ELAVL3: variants seen among roughly 807,000 people sequenced by gnomAD.
ELAVL3 encodes the protein ELAV-like protein 3.
In ELAVL3, 8 loss-of-function variants were observed where a neutral mutation model predicts 34.2. The observed-to-expected ratio is 0.23, with a 90% CI of 0.14 to 0.42. The LOEUF (loss-of-function observed/expected upper bound fraction) is 0.42. Ranked by LOEUF, ELAVL3 falls within the 10% of genes least tolerant of loss-of-function variation. ELAVL3 has a pLI of 1.00. For missense variants in ELAVL3, 273 were observed against 518.8 expected, an observed-to-expected ratio of 0.53 and a Z score of 4.60; for synonymous variants, 209 against 222.1, an observed-to-expected ratio of 0.94 and a Z score of 0.53.
In ELAVL3 at chr19:11,466,050, C is replaced by T; in HGVS notation, c.333+122G>A. ...TCTTGGAGGGGAGATTTGAGCCCCT[C>T]TGGGGATGAGTCCTGAAAGGCAGTG... On this transcript the variant is annotated intron_variant, in intron 3 of 6. Coordinates refer to ENST00000359227, the MANE Select transcript of ELAVL3 (RefSeq NM_001420.4). The surrounding 1 kb of genome is among the most constrained non-coding windows in gnomAD (Gnocchi z 5.0). The T allele has an allele frequency of 1.1e-6, 1 of 887,186 alleles. No homozygotes were observed. The highest frequency in any genetic ancestry group is 1.6e-5 in the South Asian group (1 of 64,378). The allele number at this position is 887,186 out of a possible 1,614,324, so 55.0% of individuals were successfully genotyped here. A position where few individuals can be genotyped will look rare whatever the true frequency, so the allele number is the denominator to read the frequency against.
intron 3 of ELAVL3, among the ~76,000 whole-genome samples, chr19:11,460,985 C>A (rs923872438): frequency 6.9e-6 from 1 of 145,968 alleles, no homozygotes; most frequent in Non-Finnish European, 1.5e-5. Context: ...GACTCACCCC[C>A]GTCCTCCACC....
At chr19:11,461,409 G>A (rs573489107) in intron 3 of ELAVL3, among the ~76,000 whole-genome samples, 2 of 152,168 alleles carry the variant, frequency 1.3e-5, no homozygotes, top group South Asian at 2.1e-4. Flanking sequence ...AGGCTGGGGC[G>A]TGGTCATCAG....
At chr19:11,460,404 C>T (rs1474865696) in intron 3 of ELAVL3, among the ~76,000 whole-genome samples, 2 of 151,402 alleles carry the variant, frequency 1.3e-5, no homozygotes, top group Non-Finnish European at 2.9e-5. Flanking sequence ...ACACCTGAGC[C>T]AGGTCGCATC....
In ELAVL3 at chr19:11,454,464, TC is replaced by T; in HGVS notation, c.*61del. 64 of 1,380,848 alleles carry T rather than the reference TC, an allele frequency of 4.6e-5. No individual in the cohort carries two copies. In the South Asian group the frequency reaches 8.5e-4, roughly 18 times the overall value. The allele number at this position is 1,380,848 out of a possible 1,614,324, so 85.5% of individuals were successfully genotyped here. A position where few individuals can be genotyped will look rare whatever the true frequency, so the allele number is the denominator to read the frequency against. On this transcript the variant is annotated 3_prime_UTR_variant, in exon 7 of 7. Transcript: ENST00000359227. The surrounding 1 kb of genome is among the most constrained non-coding windows in gnomAD (Gnocchi z 9.2). ...CTTGGGCCCCTTCTCTCTCTCTCTC[TC>T]TCTTTCTCTCTCTCTCTCTCTGCTG...
Position 11,458,069 on chromosome 19 carries a change from C to T in ELAVL3, c.705G>A (p.Gln235=), listed in dbSNP as rs956182047. ...GCTGGCAGGGGGCTCACCGGAAACGCTGGGTCTGATGGTGTAGGGGGCCTG... is the reference window on the plus strand; with the variant it reads ...GCTGGCAGGGGGCTCACCGGAAACGTTGGGTCTGATGGTGTAGGGGGCCTG... ...RYAGPLHHQT[Q]RFRLDNLLNM... Residue 235 remains glutamine, a synonymous_variant, in exon 5 of 7, where the codon CAG becomes CAA. Transcript: ENST00000359227. The surrounding 1 kb of genome is among the most constrained non-coding windows in gnomAD (Gnocchi z 7.3). 1 of 1,612,542 alleles carries T rather than the reference C, an allele frequency of 6.2e-7. No individual in the cohort carries two copies. Among genetic ancestry groups the T allele is most frequent in the Non-Finnish European group, 8.5e-7 (1 of 1,179,994 alleles).
At position 11,480,526 on chromosome 19, in the gene ELAVL3, C is replaced by G. The variant is rs1042484574; in HGVS notation, c.9+74G>C. The G allele has an allele frequency of 5.7e-5, 84 of 1,468,006 alleles. No individual in the cohort carries two copies. The highest frequency in any genetic ancestry group is 7.2e-5 in the Non-Finnish European group (80 of 1,109,406). 90.9% of individuals were successfully genotyped at this position (1,468,006 alleles called of 1,614,324 possible). A position where few individuals can be genotyped will look rare whatever the true frequency, so the allele number is the denominator to read the frequency against. On this transcript the variant is annotated intron_variant, in intron 1 of 6. Coordinates refer to ENST00000359227, the MANE Select transcript of ELAVL3 (RefSeq NM_001420.4). The surrounding 1 kb of genome is among the most constrained non-coding windows in gnomAD (Gnocchi z 6.8). Reference sequence around the variant, plus strand: ...CTGGTCCTACCCCCCCCGCCGCACCCGCCCAATCTCCGCGGAGCCTGGGCC... The same window carrying G: ...CTGGTCCTACCCCCCCCGCCGCACCGGCCCAATCTCCGCGGAGCCTGGGCC...
chr19:11,453,614 C>G lies in ELAVL3; in HGVS notation c.*912G>C, dbSNP rs574811401. 4.6e-5 allele frequency: 7 copies of G among 153,014 alleles called. No homozygotes were observed. Among genetic ancestry groups the G allele is most frequent in the Non-Finnish European group, 8.8e-5 (6 of 68,100 alleles). The allele number at this position is 153,014 out of a possible 1,614,324, so 9.5% of individuals were successfully genotyped here. On this transcript the variant is annotated 3_prime_UTR_variant, in exon 7 of 7. Coordinates refer to ENST00000359227, the MANE Select transcript of ELAVL3 (RefSeq NM_001420.4). ...AGCCCCAGCTTCTGTCTCTTTCTGT[C>G]TATCCCTGTCCACGTGTCTGAGTTT...
Position 11,454,761 on chromosome 19 carries a change from T to C in ELAVL3, c.869A>G (p.Asn290Ser). The change falls in exon 7 of 7, where the codon AAC becomes AGC. Residue 290 changes from asparagine to serine, a missense_variant. By Grantham distance (46) the Asn-to-Ser change is conservative. Around this residue, in one of 4 missense-constraint regions of ELAVL3, gnomAD observed 52 missense variants for 119.6 expected, o/e 0.43. Coordinates refer to ENST00000359227, the MANE Select transcript of ELAVL3 (RefSeq NM_001420.4). The surrounding 1 kb of genome is among the most constrained non-coding windows in gnomAD (Gnocchi z 9.2). ...AGAGWCIFVY[N>S]LSPEADESVL... ...GCTCTCGTCTGCCTCCGGTGACAGG[T>C]TGTACACGAAGATGCACCAGCCGGC... 6.2e-7 allele frequency: 1 copy of C among 1,614,044 alleles called. No individual in the cohort carries two copies. The highest frequency in any genetic ancestry group is 8.5e-7 in the Non-Finnish European group (1 of 1,179,966).
At chr19:11,474,285 A>C (rs1335179568) in intron 1 of ELAVL3, among the ~76,000 whole-genome samples, 1 of 152,040 alleles carries the variant, frequency 6.6e-6, no homozygotes, top group Non-Finnish European at 1.5e-5. Context: ...CTCCCACCTT[A>C]GTTTCCCAAA....
intron 3 of ELAVL3, among the ~76,000 whole-genome samples, chr19:11,459,503 A>G (rs1293915477): frequency 1.3e-5 from 2 of 150,732 alleles, no homozygotes; most frequent in Admixed American, 6.6e-5. Context: ...TCCTGATCTC[A>G]TGATCCGCCC....
At chr19:11,457,907 G>A (rs1970803305) in intron 5 of ELAVL3, among the ~76,000 whole-genome samples, 154 bp downstream of exon 5, 1 of 152,206 alleles carries the variant, frequency 6.6e-6, no homozygotes, top group African/African-American at 2.4e-5. Context: ...TGCTGTATAT[G>A]AGTGGCTGGC....
intron 3 of ELAVL3, among the ~76,000 whole-genome samples, chr19:11,465,209 TACAC>T (rs554012835): frequency 4.7e-5 from 3 of 63,676 alleles, no homozygotes; most frequent in East Asian, 1.0e-3. Flanking sequence ...GCCACACACA[TACAC>T]ACACACCACA....
In ELAVL3 at chr19:11,458,404, C is replaced by T. The variant is rs1409956797; in HGVS notation, c.487+54G>A. 1.9e-6 allele frequency: 3 copies of T among 1,611,110 alleles called. No individual in the cohort carries two copies. The highest frequency in any genetic ancestry group is 2.2e-5 in the East Asian group (1 of 44,848). On this transcript the variant is annotated intron_variant, in intron 4 of 6. Transcript: ENST00000359227. The surrounding 1 kb of genome is among the most constrained non-coding windows in gnomAD (Gnocchi z 7.3). ...GTCGGTTTCCCCACGTTGGTCCCAC[C>T]TGACTGCCTTTGCCCAGCGCCCCCG...
At chr19:11,467,070 G>T (rs989647395) in intron 1 of ELAVL3, among the ~76,000 whole-genome samples, 1 of 152,122 alleles carries the variant, frequency 6.6e-6, no homozygotes, top group Non-Finnish European at 1.5e-5. Flanking sequence ...TACTATATAC[G>T]CAAACAGAGG....
intron 1 of ELAVL3, among the ~76,000 whole-genome samples, chr19:11,467,048 C>T (rs1431917513): frequency 1.3e-5 from 2 of 152,150 alleles, no homozygotes; most frequent in African/African-American, 4.8e-5. Context: ...TGCAAGAAAT[C>T]CCTTATATGA....
Position 11,458,519 on chromosome 19 carries a change from C to T in ELAVL3, c.426G>A (p.Glu142=), listed in dbSNP as rs1970817842. 3 of 1,614,084 alleles carry T rather than the reference C, an allele frequency of 1.9e-6. No individual in the cohort carries two copies. The highest frequency in any genetic ancestry group is 2.5e-6 in the Non-Finnish European group (3 of 1,180,048). ...TGCGGCCGTACTGGGAGAAGAGCTG[C>T]TCCATCTCTTTCTGGCTCATGGTCT... ...LPKTMSQKEM[E]QLFSQYGRII... is the part of the protein sequence containing the mutation. The change falls in exon 4 of 7, where the codon GAG becomes GAA. Residue 142 remains glutamate (E), a synonymous_variant. Coordinates refer to ENST00000359227, the MANE Select transcript of ELAVL3 (RefSeq NM_001420.4). This position sits in a 1 kb window ranked among gnomAD's most constrained non-coding sequence, Gnocchi z 7.3.
chr19:11,476,986 A>G (rs751960585), intron 1 of ELAVL3, among the ~76,000 whole-genome samples: 43 of 152,160 alleles, frequency 2.8e-4, no homozygotes, highest in Non-Finnish European at 5.0e-4. Context: ...TAACGAAAAG[A>G]CCAGTAATAT....
chr19:11,467,686 G>A (rs867226239), intron 1 of ELAVL3, among the ~76,000 whole-genome samples: 1 of 152,022 alleles, frequency 6.6e-6, no homozygotes, highest in Non-Finnish European at 1.5e-5. Context: ...GTTTCGGCAC[G>A]TTGGCCAGGC....
At chr19:11,459,127 CT>C (rs774008466) in intron 3 of ELAVL3, among the ~76,000 whole-genome samples, 5,077 of 123,568 alleles carry the variant, frequency 0.041, 251 homozygotes, top group African/African-American at 0.13. Flanking sequence ...TTTTTTTTTT[CT>C]TTTTTTTTTT....
Sources: allele counts gnomAD v4.1 joint callset (sites outside exome capture counted in the v4.1 genomes callset), GRCh38; gene constraint gnomAD v4.1.1; regional missense constraint gnomAD v4.1.1; non-coding constraint Gnocchi (gnomAD v3.1); transcripts MANE v1.5; gene names NCBI Gene and HGNC (gene_info 2026-07-23, HGNC 2026-07-21).